The following SDK1 variants were observed in gnomAD, a reference collection of about 807,000 sequenced individuals.
SDK1 encodes protein sidekick-1.
Under a neutral mutation model 245.5 loss-of-function variants are expected in SDK1, and 157 were observed. The observed-to-expected ratio is 0.64, with a 90% CI of 0.56 to 0.73. SDK1 has a LOEUF of 0.73. Ranked by LOEUF, SDK1 falls within the 30% of genes least tolerant of loss-of-function variation. The pLI is 0.00. For synonymous variants in SDK1, 1,647 were observed against 1,278.5 expected (o/e 1.29, Z -6.15); for missense variants, 3,583 against 3,002.3 (o/e 1.19, Z -4.52).
intron 1 of SDK1, among the ~76,000 whole-genome samples, chr7:3,608,696 A>G (rs974651454): frequency 2.6e-5 from 4 of 152,158 alleles, no homozygotes; most frequent in African/African-American, 9.6e-5. Flanking sequence ...CAGGAAAGAC[A>G]TGTGTATGGA....
At chr7:3,621,909 G>A (rs544428114) in intron 2 of SDK1, among the ~76,000 whole-genome samples, 4 of 152,210 alleles carry the variant, frequency 2.6e-5, no homozygotes, top group South Asian at 2.1e-4. Flanking sequence ...TTGACTTTAC[G>A]CAGTTGAGAA....
chr7:3,510,159 A>G (rs763168889), intron 1 of SDK1, among the ~76,000 whole-genome samples: 1 of 152,160 alleles, frequency 6.6e-6, no homozygotes, highest in East Asian at 1.9e-4. Flanking sequence ...CTGGACCTGG[A>G]TATTTTTTAC....
chr7:3,869,469 C>T (rs909260751), intron 5 of SDK1, among the ~76,000 whole-genome samples: 10 of 152,014 alleles, frequency 6.6e-5, no homozygotes, highest in African/African-American at 2.4e-4. Flanking sequence ...ATTTTTCATT[C>T]CTCTAAGATT....
At chr7:3,818,993 G>C (rs973096000) in intron 4 of SDK1, among the ~76,000 whole-genome samples, 1 of 152,170 alleles carries the variant, frequency 6.6e-6, no homozygotes, top group Non-Finnish European at 1.5e-5. Flanking sequence ...ATGGGCACAC[G>C]ATACTTGCTT....
Position 3,465,356 on chromosome 7 carries a change from C to T in SDK1, c.299-153724C>T, listed in dbSNP as rs556246938. On this transcript the variant is annotated intron_variant, in intron 1 of 44. Transcript: ENST00000404826. ...AACTATGAGTAAAAAAATACTTAAA[C>T]CAAAAATAAAAATGAGAAGAAATAG... 2.0e-5 allele frequency among the ~76,000 whole-genome samples: 3 copies of T among 152,142 alleles called. No homozygotes were observed. In the East Asian group the frequency reaches 5.8e-4, roughly 29 times the overall value.
At chr7:4,206,030 G>A (rs372483799) in intron 36 of SDK1, 36 bp downstream of exon 36, 21 of 1,374,484 alleles carry the variant, frequency 1.5e-5, no homozygotes, top group Middle Eastern at 1.8e-4. Flanking sequence ...CCCCTGGCTC[G>A]CTTGGGCACC....
chr7:3,479,824 T>C (rs1012346840), intron 1 of SDK1, among the ~76,000 whole-genome samples: 14 of 151,098 alleles, frequency 9.3e-5, no homozygotes, highest in Non-Finnish European at 1.8e-4. Flanking sequence ...ATCGTGCCAC[T>C]GCACTCTGGC....
chr7:3,952,050 T>A (rs566434639), intron 7 of SDK1, 130 bp downstream of exon 7: 2 of 814,760 alleles, frequency 2.5e-6, no homozygotes, highest in Admixed American at 3.0e-5. Flanking sequence ...TGAGGTTGAG[T>A]TTACCTTCGA....
At chr7:3,844,587 A>G (rs927276222) in intron 5 of SDK1, among the ~76,000 whole-genome samples, 8 of 152,220 alleles carry the variant, frequency 5.3e-5, no homozygotes, top group South Asian at 2.1e-4. Flanking sequence ...GGGAGCTATG[A>G]AACTGAATTT....
intron 1 of SDK1, among the ~76,000 whole-genome samples, chr7:3,581,993 G>T (rs1010990643): frequency 2.0e-5 from 3 of 152,174 alleles, no homozygotes; most frequent in Non-Finnish European, 2.9e-5. Context: ...CTACTTGAGG[G>T]TGGAAGCCTC....
At chr7:3,617,023 C>A (rs1258756916) in intron 1 of SDK1, among the ~76,000 whole-genome samples, 1 of 152,130 alleles carries the variant, frequency 6.6e-6, no homozygotes, top group African/African-American at 2.4e-5. Flanking sequence ...GACTTCACTG[C>A]CTACTGACTG....
chr7:3,807,632 A>G (rs1779284491), intron 4 of SDK1, among the ~76,000 whole-genome samples: 1 of 152,056 alleles, frequency 6.6e-6, no homozygotes, highest in Non-Finnish European at 1.5e-5. Context: ...AGAACTGTTA[A>G]CCTCACAACA....
intron 1 of SDK1, among the ~76,000 whole-genome samples, chr7:3,383,085 T>TA (rs564437394): frequency 8.6e-5 from 13 of 152,046 alleles, no homozygotes; most frequent in East Asian, 1.9e-4. Flanking sequence ...GCATTTCCGC[T>TA]AAAAAAAATC....
At chr7:3,529,594 AAGG>A (rs1783272525) in intron 1 of SDK1, among the ~76,000 whole-genome samples, 1 of 152,054 alleles carries the variant, frequency 6.6e-6, no homozygotes, top group Non-Finnish European at 1.5e-5. Context: ...ATGGCTGAGG[AAGG>A]AAGGAGTAAT....
chr7:3,818,447 G>A (rs929800007), intron 4 of SDK1, among the ~76,000 whole-genome samples: 1 of 152,102 alleles, frequency 6.6e-6, no homozygotes, highest in Admixed American at 6.5e-5. Context: ...ATTTTAAAAG[G>A]TAGAATCAAA....
At chr7:3,347,991 A>G (rs1780554015) in intron 1 of SDK1, among the ~76,000 whole-genome samples, 1 of 152,108 alleles carries the variant, frequency 6.6e-6, no homozygotes. Flanking sequence ...AATATGTATA[A>G]TTCCACAATG....
intron 25 of SDK1, among the ~76,000 whole-genome samples, chr7:4,120,925 CT>C (rs1200378481): frequency 3.7e-5 from 5 of 135,594 alleles, no homozygotes; most frequent in African/African-American, 1.2e-4. Flanking sequence ...CAAGAACACT[CT>C]TTTAAAAAAA....
intron 1 of SDK1, among the ~76,000 whole-genome samples, chr7:3,586,824 G>C (rs1046592374): frequency 4.6e-5 from 7 of 152,214 alleles, no homozygotes; most frequent in Non-Finnish European, 1.5e-5. Context: ...TTGGGGGCAA[G>C]GGGAAAGCAC....
At chr7:3,525,359 C>G (rs137991946) in intron 1 of SDK1, among the ~76,000 whole-genome samples, 1 of 152,054 alleles carries the variant, frequency 6.6e-6, no homozygotes, top group Admixed American at 6.6e-5. Context: ...GTAGTTTTCT[C>G]ACTTGCACCT....
Sources: gnomAD v4.1 joint callset for allele counts (sites outside exome capture counted in the v4.1 genomes callset) on GRCh38, gnomAD v4.1.1 for gene constraint, MANE v1.5 for transcripts, NCBI Gene and HGNC (gene_info 2026-07-23, HGNC 2026-07-21) for gene names.